TEAD1: variants seen among roughly 807,000 people sequenced by gnomAD.
TEAD1 encodes TEA domain transcription factor 1.
TEAD1 carries 9 observed loss-of-function variants against 54.9 expected under a neutral mutation model. The observed-to-expected ratio is 0.16, with a 90% CI of 0.10 to 0.29. The LOEUF is 0.29. TEAD1 is among the 10% of genes least tolerant of loss of function. The probability of loss-of-function intolerance (pLI) is 1.00; values close to 1 mark genes in which losing one functional copy is unlikely to be tolerated. For missense variants in TEAD1, 387 were observed against 535.9 expected (o/e 0.72, Z 2.74); for synonymous variants, 200 against 187.8 (o/e 1.07, Z -0.53).
At chr11:12,779,131 AC>A (rs1945493081) in intron 3 of TEAD1, among the ~76,000 whole-genome samples, 1 of 152,096 alleles carries the variant, frequency 6.6e-6, no homozygotes, top group Non-Finnish European at 1.5e-5. Flanking sequence ...TGTAAATGTT[AC>A]TTTTTTCAGA....
At chr11:12,886,877 G>A (rs1247775869) in intron 9 of TEAD1, among the ~76,000 whole-genome samples, 1 of 152,044 alleles carries the variant, frequency 6.6e-6, no homozygotes, top group Non-Finnish European at 1.5e-5. Context: ...TAATAGATAT[G>A]TTGATGTTTC....
chr11:12,928,992 CA>C (rs34046040), intron 11 of TEAD1, among the ~76,000 whole-genome samples: 97,626 of 151,842 alleles, frequency 0.64, 31,561 homozygotes, highest in South Asian at 0.76. Context: ...GATTTTATAT[CA>C]CTTGTGGCCT....
At chr11:12,897,308 C>T (rs1001029541) in intron 9 of TEAD1, among the ~76,000 whole-genome samples, 1 of 152,162 alleles carries the variant, frequency 6.6e-6, no homozygotes, top group African/African-American at 2.4e-5. Flanking sequence ...GCCCACTTCC[C>T]TTATAAGGAG....
intron 2 of TEAD1, among the ~76,000 whole-genome samples, chr11:12,723,102 T>C (rs940500883): frequency 6.6e-6 from 1 of 152,162 alleles, no homozygotes; most frequent in African/African-American, 2.4e-5. Flanking sequence ...GGCACAATTA[T>C]TTTTTTGGCT....
chr11:12,830,641 A>G (rs1197342930), intron 3 of TEAD1, among the ~76,000 whole-genome samples: 2 of 152,122 alleles, frequency 1.3e-5, no homozygotes, highest in East Asian at 3.8e-4. Context: ...TCATCCTTTA[A>G]AAAAATCTGT....
chr11:12,752,184 T>A (rs1237526471), intron 2 of TEAD1, among the ~76,000 whole-genome samples: 1 of 149,874 alleles, frequency 6.7e-6, no homozygotes, highest in East Asian at 2.0e-4. Context: ...CTAAGGTAAC[T>A]GGAATCAGAA....
chr11:12,940,795 G>A lies in TEAD1; in HGVS notation c.*3573G>A, dbSNP rs1949155244. 2 of 152,008 alleles carry A rather than the reference G, an allele frequency of 1.3e-5. No individual in the cohort carries two copies. The highest frequency in any genetic ancestry group is 2.9e-5 in the Non-Finnish European group (2 of 68,002). The allele number at this position is 152,008 out of a possible 1,614,324, so 9.4% of individuals were successfully genotyped here. On this transcript the variant is annotated 3_prime_UTR_variant, in exon 13 of 13. Coordinates refer to ENST00000527636, the MANE Select transcript of TEAD1 (RefSeq NM_021961.6). ...TTACTTATTTCGGCATATTTCCTCTGGGCTTCTTCTAGTTTCTGCCTTACA... is the reference window on the plus strand; with the variant it reads ...TTACTTATTTCGGCATATTTCCTCTAGGCTTCTTCTAGTTTCTGCCTTACA...
At chr11:12,771,384 C>T (rs145319634) in intron 3 of TEAD1, among the ~76,000 whole-genome samples, 4 of 152,240 alleles carry the variant, frequency 2.6e-5, no homozygotes, top group Admixed American at 1.3e-4. Context: ...TACAGTAGTC[C>T]GGTAGGAGAG....
At chr11:12,882,875 A>T in intron 8 of TEAD1, 126 bp from the exon 9 acceptor site, 1 of 1,427,618 alleles carries the variant, frequency 7.0e-7, no homozygotes, top group Non-Finnish European at 9.8e-7. Context: ...TATCCTGGCC[A>T]GAGCCGGTGG....
intron 2 of TEAD1, among the ~76,000 whole-genome samples, chr11:12,682,480 A>G (rs1416230435): frequency 6.6e-6 from 1 of 152,182 alleles, no homozygotes; most frequent in East Asian, 1.9e-4. Flanking sequence ...TCTGAGTAGC[A>G]GGGATGCTCC....
chr11:12,897,362 G>A (rs1327763833), intron 9 of TEAD1, among the ~76,000 whole-genome samples: 2 of 152,204 alleles, frequency 1.3e-5, no homozygotes, highest in Non-Finnish European at 2.9e-5. Flanking sequence ...AGGGTTTTTA[G>A]AATTCATTTC....
At chr11:12,875,184 A>G (rs903737202) in intron 5 of TEAD1, among the ~76,000 whole-genome samples, 12 of 152,214 alleles carry the variant, frequency 7.9e-5, no homozygotes, top group African/African-American at 2.9e-4. Flanking sequence ...CAAATGTAGC[A>G]TGTGTTTGAA....
At chr11:12,872,372 C>T (rs1417698520) in intron 5 of TEAD1, among the ~76,000 whole-genome samples, 1 of 152,222 alleles carries the variant, frequency 6.6e-6, no homozygotes, top group Non-Finnish European at 1.5e-5. Flanking sequence ...GACACTTGGC[C>T]TTGTCACGGG....
intron 2 of TEAD1, among the ~76,000 whole-genome samples, chr11:12,680,514 C>T (rs1021251510): frequency 1.2e-4 from 18 of 152,302 alleles, no homozygotes; most frequent in Admixed American, 1.1e-3. Flanking sequence ...TTGAGAAAAG[C>T]GCATTGTCTG....
At chr11:12,730,911 A>AT (rs1944413179) in intron 2 of TEAD1, among the ~76,000 whole-genome samples, 1 of 151,888 alleles carries the variant, frequency 6.6e-6, no homozygotes, top group South Asian at 2.1e-4. Flanking sequence ...CATGTTGGCC[A>AT]GGCTGGTCTC....
At chr11:12,716,116 G>A (rs1031505583) in intron 2 of TEAD1, among the ~76,000 whole-genome samples, 3 of 151,962 alleles carry the variant, frequency 2.0e-5, no homozygotes, top group African/African-American at 4.8e-5. Flanking sequence ...TGTCCTGCGC[G>A]GGCTCTTTGT....
intron 2 of TEAD1, among the ~76,000 whole-genome samples, chr11:12,740,583 G>C (rs1057213448): frequency 1.3e-5 from 2 of 152,110 alleles, no homozygotes; most frequent in Admixed American, 1.3e-4. Context: ...TTATAATCAT[G>C]GTAGAAGACA....
At chr11:12,853,744 C>T (rs918652465) in intron 3 of TEAD1, among the ~76,000 whole-genome samples, 22 of 152,152 alleles carry the variant, frequency 1.4e-4, no homozygotes, top group Non-Finnish European at 2.1e-4. Flanking sequence ...TAAGCGGTTC[C>T]TCTAAGATGC....
intron 3 of TEAD1, among the ~76,000 whole-genome samples, chr11:12,778,033 T>C (rs1252225709): frequency 6.6e-6 from 1 of 152,210 alleles, no homozygotes; most frequent in East Asian, 1.9e-4. Context: ...ATATTTATGC[T>C]TGCAATGTGC....
Sources: gnomAD v4.1 joint callset for allele counts (sites outside exome capture counted in the v4.1 genomes callset) on GRCh38, gnomAD v4.1.1 for gene constraint, MANE v1.5 for transcripts, NCBI Gene and HGNC (gene_info 2026-07-23, HGNC 2026-07-21) for gene names.